Variants in SESN1 observed in about 807,000 individuals in gnomAD.
The protein encoded by SESN1 is sestrin-1.
A neutral mutation model predicts 59.3 loss-of-function variants in SESN1; 30 were observed. The observed-to-expected ratio is 0.51, with a 90% CI of 0.38 to 0.69. The LOEUF (loss-of-function observed/expected upper bound fraction) is 0.69. Among genes scored for constraint, SESN1 ranks in the 30% least tolerant of loss-of-function variants. The pLI is 0.00. For synonymous variants in SESN1, 197 were observed against 219.9 expected (o/e 0.90, Z 0.92); for missense variants, 566 against 673.0 (o/e 0.84, Z 1.76).
intron 1 of SESN1, among the ~76,000 whole-genome samples, chr6:109,024,805 C>T (rs1464669692): frequency 6.6e-6 from 1 of 152,184 alleles, no homozygotes; most frequent in Non-Finnish European, 1.5e-5. Context: ...TTGTGAGTAT[C>T]GTACTACTTT....
rs1443053771 is a variant in SESN1 at position 108,984,654 on chromosome 6, T to C, written c.*2890A>G. Among the ~76,000 whole-genome samples the C allele has an allele frequency of 6.6e-6, 1 of 152,208 alleles. No homozygotes were observed. The highest frequency in any genetic ancestry group is 1.5e-5 in the Non-Finnish European group (1 of 68,024). On this transcript the variant is annotated 3_prime_UTR_variant, in exon 10 of 10. Coordinates refer to ENST00000436639, the MANE Select transcript of SESN1 (RefSeq NM_014454.3). ...CCTTGGTTAGGTTTATTCCTAAGTA[T>C]TTTATTCTTTTTGATCCTATTGTAA...
intron 1 of SESN1, among the ~76,000 whole-genome samples, chr6:109,039,175 G>C (rs1311891645): frequency 6.6e-6 from 1 of 151,998 alleles, no homozygotes; most frequent in Non-Finnish European, 1.5e-5. Context: ...GAAGAAAGAA[G>C]AAGAAGAAAG....
intron 1 of SESN1, among the ~76,000 whole-genome samples, chr6:109,084,566 AAAC>A (rs901899649): frequency 6.6e-6 from 1 of 152,180 alleles, no homozygotes; most frequent in African/African-American, 2.4e-5. Context: ...AACAAAAACA[AAAC>A]AAAAGAAAAC....
intron 1 of SESN1, among the ~76,000 whole-genome samples, chr6:109,076,329 T>A (rs967580285): frequency 6.6e-6 from 1 of 152,182 alleles, no homozygotes; most frequent in African/African-American, 2.4e-5. Flanking sequence ...AAGAATCTAC[T>A]TTCTTTCAAT....
intron 1 of SESN1, among the ~76,000 whole-genome samples, chr6:109,063,779 A>G (rs911185751): frequency 6.6e-6 from 1 of 152,072 alleles, no homozygotes; most frequent in African/African-American, 2.4e-5. Flanking sequence ...AGTTTTAACC[A>G]TTTACATATA....
intron 8 of SESN1, among the ~76,000 whole-genome samples, chr6:108,990,280 G>C (rs1779343603): frequency 6.6e-6 from 1 of 152,214 alleles, no homozygotes; most frequent in Admixed American, 6.5e-5. Flanking sequence ...TAAGGGTACT[G>C]ATTTCCAAGG....
At chr6:109,047,156 C>A (rs1330472501) in intron 1 of SESN1, among the ~76,000 whole-genome samples, 1 of 41,240 alleles carries the variant, frequency 2.4e-5, no homozygotes, top group Admixed American at 2.0e-4. Context: ...CCGCCCGGTC[C>A]GGGAGGGAGG....
chr6:109,074,388 A>G lies in SESN1; in HGVS notation c.279+19407T>C, dbSNP rs185144121. The stretch of plus-strand genomic sequence containing the variant: ...CAAGATGCTAAAAATGAAATGAGAA[A>G]ATTATAAATATTGATAATTTGTTTC... On this transcript the variant is annotated intron_variant, in intron 1 of 9. Transcript: ENST00000436639. 9.8e-5 allele frequency among the ~76,000 whole-genome samples: 15 copies of G among 152,286 alleles called. No individual in the cohort carries two copies. In the East Asian group the frequency reaches 2.7e-3, roughly 27 times the overall value.
In SESN1 at chr6:109,093,813, A is replaced by T. The variant is rs1301564034; in HGVS notation, c.261T>A (p.Phe87Leu). 1 of 1,613,866 alleles carries T rather than the reference A, an allele frequency of 6.2e-7. No individual in the cohort carries two copies. Among genetic ancestry groups the T allele is most frequent in the East Asian group, 2.2e-5 (1 of 44,884 alleles). Residue 87 changes from phenylalanine (F) to leucine (L), a missense_variant, in exon 1 of 10, where the codon TTT (phenylalanine) becomes TTA (leucine). Coordinates refer to ENST00000436639, the MANE Select transcript of SESN1 (RefSeq NM_014454.3). ...TCCTTACCTGGATGCTCTTCAGAATAAACTCACTTTTCTCTCTCACATCTT... is the reference window on the plus strand; with the variant it reads ...TCCTTACCTGGATGCTCTTCAGAATTAACTCACTTTTCTCTCTCACATCTT... ...PFKDVREKSE[F>L]ILKSIQELGI...
At position 109,009,538 on chromosome 6, in the gene SESN1, T is replaced by C; in HGVS notation, c.280-7195A>G. 7 of 1,145,182 alleles carry C rather than the reference T, an allele frequency of 6.1e-6. No individual in the cohort carries two copies. The South Asian group carries it at 2.2e-4, about 36-fold the overall frequency. The allele number at this position is 1,145,182 out of a possible 1,614,324, so 70.9% of individuals were successfully genotyped here. ...GGCCGCGGCTCCTGGCTGCAGCGCC[T>C]CAGTCAGCACGGACGGCGGGGGGGC... On this transcript the variant is annotated intron_variant, in intron 1 of 9. Transcript: ENST00000436639.
chr6:109,089,127 TCCCTTGCCAACTACAG>T (rs1202426980), intron 1 of SESN1, among the ~76,000 whole-genome samples: 1 of 152,124 alleles, frequency 6.6e-6, no homozygotes, highest in Non-Finnish European at 1.5e-5. Flanking sequence ...TCATCGTTTC[TCCCTTGCCAACTACAG>T]CCCTTTTAGC....
At chr6:109,019,263 G>A (rs1779972393) in intron 1 of SESN1, among the ~76,000 whole-genome samples, 1 of 152,150 alleles carries the variant, frequency 6.6e-6, no homozygotes, top group Non-Finnish European at 1.5e-5. Flanking sequence ...ACTAGGTTTG[G>A]AGGATCCAAG....
chr6:109,091,167 T>C (rs1231785901), intron 1 of SESN1, among the ~76,000 whole-genome samples: 1 of 152,208 alleles, frequency 6.6e-6, no homozygotes, highest in Non-Finnish European at 1.5e-5. Flanking sequence ...AATTCTATAT[T>C]ATTACTCTAC....
chr6:109,059,937 A>G lies in SESN1; in HGVS notation c.279+33858T>C, dbSNP rs79723641. On this transcript the variant is annotated intron_variant, in intron 1 of 9. Transcript: ENST00000436639. ...TGAAAGTGAACTCCACCAGAGGCAA[A>G]ACAATGTGACTAAACACAGGGACTT... is the stretch of plus-strand genomic sequence containing the variant. Among the ~76,000 whole-genome samples the G allele has an allele frequency of 8.0e-3, 1,215 of 152,306 alleles. 21 individuals carry two copies. Among genetic ancestry groups the G allele is most frequent in the African/African-American group, 0.028 (1,165 of 41,544 alleles).
At chr6:108,994,706 T>C in intron 5 of SESN1, 97 bp from the exon 6 acceptor site, 1 of 1,109,628 alleles carries the variant, frequency 9.0e-7, no homozygotes, top group Non-Finnish European at 1.2e-6. Flanking sequence ...ATCTTTTTTT[T>C]TTTTTTTTTT....
chr6:109,029,018 A>G lies in SESN1; in HGVS notation c.280-26675T>C, dbSNP rs79527273. Among the ~76,000 whole-genome samples, 1,200 of 152,304 alleles carry G rather than the reference A, an allele frequency of 7.9e-3. 21 individuals carry two copies. Among genetic ancestry groups the G allele is most frequent in the African/African-American group, 0.028 (1,154 of 41,548 alleles). On this transcript the variant is annotated intron_variant, in intron 1 of 9. Transcript: ENST00000436639. ...AAATTGTTCACTTCATAAGTATAAA[A>G]TTCTTATAGCTTCATGCCTACTCTG...
At chr6:108,995,145 A>G (rs1161369795) in intron 5 of SESN1, among the ~76,000 whole-genome samples, 1 of 152,248 alleles carries the variant, frequency 6.6e-6, no homozygotes. Context: ...TTAAGAACAC[A>G]TTCTAATGCT....
At chr6:109,025,390 T>C (rs1780075848) in intron 1 of SESN1, among the ~76,000 whole-genome samples, 2 of 151,470 alleles carry the variant, frequency 1.3e-5, no homozygotes, top group South Asian at 4.2e-4. Flanking sequence ...AAATAGAGAT[T>C]TTCTCTGAAG....
Position 109,028,669 on chromosome 6 carries a change from T to C in SESN1, c.280-26326A>G, listed in dbSNP as rs546100003. 1.6e-3 allele frequency among the ~76,000 whole-genome samples: 239 copies of C among 152,288 alleles called. 1 individual carries two copies. Among genetic ancestry groups the C allele is most frequent in the African/African-American group, 3.8e-3 (157 of 41,548 alleles). The stretch of plus-strand genomic sequence containing the variant: ...AGCATCTCTTAAAAATAGTATTAGT[T>C]GATGCCACATGGAAGACTGGGCAAC... On this transcript the variant is annotated intron_variant, in intron 1 of 9. Transcript: ENST00000436639.
Sources: allele counts gnomAD v4.1 joint callset (sites outside exome capture counted in the v4.1 genomes callset), GRCh38; gene constraint gnomAD v4.1.1; transcripts MANE v1.5; gene names NCBI Gene and HGNC (gene_info 2026-07-23, HGNC 2026-07-21).